NID1: variants seen among roughly 807,000 people sequenced by gnomAD.
The protein encoded by NID1 is nidogen-1.
In NID1, 76 loss-of-function variants were observed where a neutral mutation model predicts 130.6. The ratio of observed to expected loss-of-function variants is 0.58; its 90% CI spans 0.48 to 0.70. The LOEUF is 0.70. Ranked by LOEUF, NID1 falls within the 30% of genes least tolerant of loss-of-function variation. The pLI, the probability that NID1 is intolerant of heterozygous loss-of-function variation, is 0.00. For synonymous variants in NID1, 665 were observed against 675.1 expected (o/e 0.98, Z 0.23); for missense variants, 1,517 against 1,664.8 (o/e 0.91, Z 1.54).
At chr1:236,041,166 C>T (rs1659439050) in intron 4 of NID1, among the ~76,000 whole-genome samples, 1 of 152,132 alleles carries the variant, frequency 6.6e-6, no homozygotes, top group Admixed American at 6.5e-5. Context: ...CTCCCAGGTT[C>T]AAGCAATCCT....
chr1:236,060,757 A>G (rs1660016472), intron 1 of NID1: 1 of 139,492 alleles, frequency 7.2e-6, no homozygotes. Context: ...CCCAGGCTAA[A>G]TTAGACTGGG....
In NID1 at chr1:235,993,743, GGCGCGTAGTGCCCGT is replaced by G. The variant is rs759969043; in HGVS notation, c.2642_2656del (p.His881_Ala885del). 18 of 1,613,316 alleles carry G rather than the reference GGCGCGTAGTGCCCGT, an allele frequency of 1.1e-5. No homozygotes were observed. The highest frequency in any genetic ancestry group is 1.5e-5 in the Non-Finnish European group (18 of 1,179,626). ...GCCGGTGCTGCCGTGGCACTGGGTG[GGCGCGTAGTGCCCGT>G]GCGCATCGCACTCAGGAACGAACAG... On this transcript the variant is annotated inframe_deletion, in exon 13 of 20. Transcript: ENST00000264187.
At chr1:236,054,189 C>T (rs1659835955) in intron 1 of NID1, among the ~76,000 whole-genome samples, 1 of 152,212 alleles carries the variant, frequency 6.6e-6, no homozygotes, top group Non-Finnish European at 1.5e-5. Context: ...GGCGAGGTGG[C>T]TTGCTCCTAT....
chr1:236,049,800 G>A (rs1396643103), intron 1 of NID1, among the ~76,000 whole-genome samples: 2 of 152,076 alleles, frequency 1.3e-5, no homozygotes, highest in South Asian at 2.1e-4. Context: ...AGCACTTTGG[G>A]AGGCCGAGGT....
At chr1:235,994,001 T>C in intron 12 of NID1, 129 bp from the exon 13 acceptor site, 1 of 722,450 alleles carries the variant, frequency 1.4e-6, no homozygotes, top group East Asian at 2.7e-5. Context: ...TGGGTTTTGT[T>C]TCATCAGTTA....
rs1321051685 is a variant in NID1 at position 235,994,457 on chromosome 1, C to CT, written c.2528-586dup. Reference sequence around the variant, plus strand: ...GATTACAGGCATGAGCCACTGCGCCCTGCCAAGTGAACCATTTTTAAGTAA... The same window carrying CT: ...GATTACAGGCATGAGCCACTGCGCCCTTGCCAAGTGAACCATTTTTAAGTAA... On this transcript the variant is annotated intron_variant, in intron 12 of 19. Coordinates refer to ENST00000264187, the MANE Select transcript of NID1 (RefSeq NM_002508.3). Among the ~76,000 whole-genome samples the CT allele has an allele frequency of 2.0e-5, 3 of 152,218 alleles. No homozygotes were observed. The East Asian group carries it at 5.8e-4, about 29-fold the overall frequency.
At chr1:236,028,338 C>T (rs1658996628) in intron 7 of NID1, among the ~76,000 whole-genome samples, 1 of 152,052 alleles carries the variant, frequency 6.6e-6, no homozygotes, top group African/African-American at 2.4e-5. Context: ...TGGCAAAACC[C>T]CATCTGTACA....
intron 12 of NID1, among the ~76,000 whole-genome samples, chr1:236,009,412 A>T (rs1658343829): frequency 6.6e-6 from 1 of 152,158 alleles, no homozygotes; most frequent in South Asian, 2.1e-4. Context: ...AGTCTATGGT[A>T]TTTTGCCAGA....
intron 17 of NID1, 143 bp from the exon 18 acceptor site, chr1:235,980,088 T>A: frequency 1.0e-6 from 1 of 998,402 alleles, no homozygotes; most frequent in Non-Finnish European, 1.5e-6. Context: ...GGCTTGCTCT[T>A]AAAAACTGGC....
rs2103359301 is a variant in NID1 at position 235,977,868 on chromosome 1, C to A, written c.3743G>T (p.Ter1248LeuextTer18). The A allele has an allele frequency of 3.1e-6, 5 of 1,613,926 alleles. No homozygotes were observed. The highest frequency in any genetic ancestry group is 4.2e-6 in the Non-Finnish European group (5 of 1,179,936). The change falls in exon 20 of 20, where the codon TGA becomes TTA. Residue 1248 changes from the stop codon to leucine (L), a stop_lost. Coordinates refer to ENST00000264187, the MANE Select transcript of NID1 (RefSeq NM_002508.3). ...TLGVDCIEQK[*>L] Reference sequence around the variant, plus strand: ...AAAGGAAATAAGGCACTCTTGTCTTCATTTCTGTTCGATACAGTCAACTCC... The same window carrying A: ...AAAGGAAATAAGGCACTCTTGTCTTAATTTCTGTTCGATACAGTCAACTCC...
intron 1 of NID1, among the ~76,000 whole-genome samples, chr1:236,049,588 C>A (rs1659703706): frequency 6.6e-6 from 1 of 152,188 alleles, no homozygotes; most frequent in African/African-American, 2.4e-5. Flanking sequence ...GAGATGATGA[C>A]ACAATATAGC....
In NID1 at chr1:235,976,324, A is replaced by G. The variant is rs964108578; in HGVS notation, c.*1543T>C. 4 of 152,234 alleles carry G rather than the reference A, an allele frequency of 2.6e-5. No individual in the cohort carries two copies. The highest frequency in any genetic ancestry group is 9.6e-5 in the African/African-American group (4 of 41,464). The allele number at this position is 152,234 out of a possible 1,614,324, so 9.4% of individuals were successfully genotyped here. A position where few individuals can be genotyped will look rare whatever the true frequency, so the allele number is the denominator to read the frequency against. On this transcript the variant is annotated 3_prime_UTR_variant, in exon 20 of 20. Coordinates refer to ENST00000264187, the MANE Select transcript of NID1 (RefSeq NM_002508.3). ...AGAGACTCTTTTCCCCAAAGAGAGT[A>G]TCAGGCAAATTCTTCCATGTTCTCA...
At position 235,981,649 on chromosome 1, in the gene NID1, C is replaced by T. The variant is rs749116198; in HGVS notation, c.3189G>A (p.Leu1063=). Reference sequence around the variant, plus strand: ...CCGTTACAATGCCTCTGGGATTCACCAAGTCAGTCTCAAAGAGCACCCGGC... The same window carrying T: ...CCGTTACAATGCCTCTGGGATTCACTAAGTCAGTCTCAAAGAGCACCCGGC... The part of the protein sequence containing the change: ...TQRRVLFETD[L]VNPRGIVTDS... Residue 1063 remains leucine, a synonymous_variant, in exon 16 of 20, where the codon TTG becomes TTA. Coordinates refer to ENST00000264187, the MANE Select transcript of NID1 (RefSeq NM_002508.3). The T allele has an allele frequency of 6.2e-7, 1 of 1,614,096 alleles. No individual in the cohort carries two copies. Among genetic ancestry groups the T allele is most frequent in the Non-Finnish European group, 8.5e-7 (1 of 1,180,004 alleles).
chr1:236,029,780 C>T (rs1283930200), intron 6 of NID1, 30 bp from the exon 7 acceptor site: 4 of 1,611,358 alleles, frequency 2.5e-6, no homozygotes, highest in Non-Finnish European at 3.4e-6. Context: ...TGTCACTTTG[C>T]TGACTGGGGA....
intron 3 of NID1, among the ~76,000 whole-genome samples, chr1:236,043,537 A>T (rs1027982908): frequency 1.3e-5 from 2 of 152,194 alleles, no homozygotes; most frequent in East Asian, 3.9e-4. Flanking sequence ...GGTGGCTCAC[A>T]CCTGTAATCC....
chr1:236,006,692 C>T (rs1410452361), intron 12 of NID1, among the ~76,000 whole-genome samples: 4 of 152,072 alleles, frequency 2.6e-5, no homozygotes, highest in Non-Finnish European at 5.9e-5. Flanking sequence ...CTACAGATGC[C>T]AGGTTAGTGG....
chr1:236,050,948 T>C (rs1659748599), intron 1 of NID1, among the ~76,000 whole-genome samples: 2 of 151,904 alleles, frequency 1.3e-5, no homozygotes, highest in African/African-American at 4.8e-5. Context: ...CTGGGCATGG[T>C]GGCAAGTGCC....
chr1:235,995,662 C>T (rs951009754), intron 12 of NID1, among the ~76,000 whole-genome samples: 1 of 152,234 alleles, frequency 6.6e-6, no homozygotes, highest in African/African-American at 2.4e-5. Context: ...GTCCTTCTCC[C>T]TGTCTGGTTA....
intron 12 of NID1, among the ~76,000 whole-genome samples, chr1:236,005,279 T>C (rs1658216303): frequency 6.9e-6 from 1 of 145,594 alleles, no homozygotes; most frequent in Non-Finnish European, 1.5e-5. Flanking sequence ...ATTGCAATGC[T>C]TTTTTTTTTT....
Sources: allele counts gnomAD v4.1 joint callset (sites outside exome capture counted in the v4.1 genomes callset), GRCh38; gene constraint gnomAD v4.1.1; transcripts MANE v1.5; gene names NCBI Gene and HGNC (gene_info 2026-07-23, HGNC 2026-07-21).